Variants in SWI5 observed in about 807,000 individuals in gnomAD.
SWI5 encodes the protein DNA repair protein SWI5 homolog.
In SWI5, 12 loss-of-function variants were observed where a neutral mutation model predicts 17.0. The observed-to-expected ratio is 0.71, with a 90% confidence interval of 0.45 to 1.14. The LOEUF (loss-of-function observed/expected upper bound fraction) is 1.14, where lower values mean the gene tolerates loss of function less well. Among genes scored for constraint, SWI5 ranks in the 50% most tolerant of loss-of-function variants. The pLI is 0.00. For synonymous variants in SWI5, 61 were observed against 64.0 expected, an observed-to-expected ratio of 0.95 and a Z score of 0.22; for missense variants, 158 against 162.2, an observed-to-expected ratio of 0.97 and a Z score of 0.14.
At chr9:128,278,779 T>C (rs1831483553) in intron 2 of SWI5, 1 of 426,838 alleles carries the variant, frequency 2.3e-6, no homozygotes, top group Non-Finnish European at 4.7e-6. Flanking sequence ...TTTTTTTTGT[T>C]TTTTTTTATT....
chr9:128,280,478 A>G (rs1188113982), intron 2 of SWI5, among the ~76,000 whole-genome samples: 1 of 151,432 alleles, frequency 6.6e-6, no homozygotes, highest in Non-Finnish European at 1.5e-5. Context: ...CTCCTTTCTA[A>G]TAGCACTACT....
intron 2 of SWI5, among the ~76,000 whole-genome samples, chr9:128,281,151 C>T (rs1033520938): frequency 2.0e-5 from 3 of 149,406 alleles, no homozygotes; most frequent in Non-Finnish European, 2.9e-5. Flanking sequence ...GATTCTCCTG[C>T]CTTAGCCTCC....
At chr9:128,275,591 G>A, upstream of SWI5, 1 of 999,862 alleles carries the variant, frequency 1.0e-6, no homozygotes, top group Non-Finnish European at 1.4e-6. Context: ...CTAGGTCCTT[G>A]GAGACGCCAG....
intron 2 of SWI5, among the ~76,000 whole-genome samples, chr9:128,277,775 A>G (rs1441663837): frequency 6.6e-6 from 1 of 152,160 alleles, no homozygotes; most frequent in Non-Finnish European, 1.5e-5. Context: ...CAGGGCCTGA[A>G]GGGCAACTCA....
At chr9:128,278,594 A>C (rs1390355945) in intron 2 of SWI5, 1 of 460,244 alleles carries the variant, frequency 2.2e-6, no homozygotes, top group Non-Finnish European at 4.5e-6. Context: ...TCTATTGAGC[A>C]TTGTCCCATC....
At chr9:128,280,510 T>TAA (rs776076324) in intron 2 of SWI5, among the ~76,000 whole-genome samples, 39 of 133,400 alleles carry the variant, frequency 2.9e-4, no homozygotes, top group Non-Finnish European at 4.7e-4. Context: ...CTGTTCTTTT[T>TAA]AAAAAAAAAA....
chr9:128,279,731 G>A (rs543688356), intron 2 of SWI5, among the ~76,000 whole-genome samples: 19 of 152,282 alleles, frequency 1.2e-4, no homozygotes, highest in Admixed American at 9.8e-4. Flanking sequence ...ACTGCGGGCC[G>A]GCCTGGATAA....
At chr9:128,278,292 G>C (rs1031486995) in intron 2 of SWI5, among the ~76,000 whole-genome samples, 1 of 151,096 alleles carries the variant, frequency 6.6e-6, no homozygotes, top group Non-Finnish European at 1.5e-5. Flanking sequence ...CGCTCGACCC[G>C]GCACAGTGAC....
At chr9:128,277,903 C>T (rs1831459168) in intron 2 of SWI5, among the ~76,000 whole-genome samples, 1 of 151,718 alleles carries the variant, frequency 6.6e-6, no homozygotes, top group Non-Finnish European at 1.5e-5. Context: ...TGCGGTAACT[C>T]ACTGCAGATC....
At chr9:128,287,863 C>G (rs1033182013) in intron 4 of SWI5, among the ~76,000 whole-genome samples, 3 of 151,984 alleles carry the variant, frequency 2.0e-5, no homozygotes, top group Admixed American at 1.3e-4. Flanking sequence ...ACCTGGCATC[C>G]TTTTTGTTTA....
At chr9:128,275,491 C>T (rs1831267276), upstream of SWI5, 8 of 1,304,674 alleles carry the variant, frequency 6.1e-6, no homozygotes, top group Admixed American at 3.9e-5. Flanking sequence ...TTTGGGGCGG[C>T]AGGAGGTGAG....
At chr9:128,275,796 C>A, upstream of SWI5, 5 of 681,244 alleles carry the variant, frequency 7.3e-6, no homozygotes, top group Middle Eastern at 2.6e-4. Flanking sequence ...GGAGCCCAGC[C>A]CGGTGTGCCT....
intron 2 of SWI5, among the ~76,000 whole-genome samples, chr9:128,279,599 T>G (rs1359767855): frequency 6.6e-6 from 1 of 152,216 alleles, no homozygotes; most frequent in African/African-American, 2.4e-5. Context: ...TCACTGTTTC[T>G]TCTACCACTA....
chr9:128,277,523 C>G (rs1831440586), intron 2 of SWI5, among the ~76,000 whole-genome samples: 1 of 152,212 alleles, frequency 6.6e-6, no homozygotes, highest in Admixed American at 6.5e-5. Context: ...CACTGCACTC[C>G]AGCCTGGACA....
rs1441711821 is a variant in SWI5, at chr9:128,280,817, G to A, written c.112-3693G>A. On this transcript the variant is annotated intron_variant, in intron 2 of 4. Transcript: ENST00000418976. ...CAGGCGTGAGCCACCGTGCCCGGTC[G>A]CATTTGTTCTTTTTCACACCACTAT... 3.3e-5 allele frequency among the ~76,000 whole-genome samples: 5 copies of A among 151,638 alleles called. No individual in the cohort carries two copies. The South Asian group carries it at 1.0e-3, about 32-fold the overall frequency.
intron 4 of SWI5, 185 bp downstream of exon 4, chr9:128,286,218 GT>G (rs1222310410): frequency 1.8e-6 from 1 of 569,620 alleles, no homozygotes; most frequent in Non-Finnish European, 3.2e-6. Flanking sequence ...ACCTAGGTTT[GT>G]TCCTCAAGTA....
Position 128,283,227 on chromosome 9 carries a change from CA to C in SWI5, c.112-1282del, listed in dbSNP as rs527451591. On this transcript the variant is annotated intron_variant, in intron 2 of 4. Coordinates refer to ENST00000418976, the Ensembl canonical transcript of SWI5. ...ATCCCAGCTACTCAGGAGGCTGAGG[CA>C]GGAGAATTGCTTGAACCTGGGAGGC... is the stretch of plus-strand genomic sequence containing the variant. 2.0e-5 allele frequency among the ~76,000 whole-genome samples: 3 copies of C among 152,266 alleles called. No individual in the cohort carries two copies. The South Asian group carries it at 6.2e-4, about 32-fold the overall frequency.
chr9:128,284,559 T>A, exon 3 of SWI5: 1 of 1,614,024 alleles, frequency 6.2e-7, no homozygotes, highest in Non-Finnish European at 8.5e-7. Flanking sequence ...GAGGAGTCTC[T>A]GCACCTTGAC....
At chr9:128,275,584 G>A, upstream of SWI5, 1 of 1,060,428 alleles carries the variant, frequency 9.4e-7, no homozygotes, top group Non-Finnish European at 1.3e-6. Flanking sequence ...TGGGGTCCTA[G>A]GTCCTTGGAG....
Sources: gnomAD v4.1 joint callset for allele counts (sites outside exome capture counted in the v4.1 genomes callset) on GRCh38, gnomAD v4.1.1 for gene constraint, MANE v1.5 for transcripts, NCBI Gene and HGNC (gene_info 2026-07-23, HGNC 2026-07-21) for gene names.